MAML2: variants seen among roughly 807,000 people sequenced by gnomAD.
The protein encoded by MAML2 is mastermind like transcriptional coactivator 2, also known as mastermind-like protein 2.
In MAML2, 22 loss-of-function variants were observed where a neutral mutation model predicts 96.1. That is an observed-to-expected ratio of 0.23 (90% CI 0.16 to 0.33). The LOEUF (loss-of-function observed/expected upper bound fraction) is 0.33. Ranked by LOEUF, MAML2 falls within the 10% of genes least tolerant of loss-of-function variation. The pLI is 1.00. For synonymous variants in MAML2, 561 were observed against 521.3 expected (o/e 1.08, Z -1.04); for missense variants, 1,367 against 1,392.4 (o/e 0.98, Z 0.29).
chr11:96,195,970 G>A (rs1214942991), intron 1 of MAML2, among the ~76,000 whole-genome samples: 1 of 152,122 alleles, frequency 6.6e-6, no homozygotes, highest in South Asian at 2.1e-4. Context: ...TTATAGAATT[G>A]AAACACTGTT....
At chr11:95,987,018 G>A (rs570006206) in intron 3 of MAML2, among the ~76,000 whole-genome samples, 7 of 152,342 alleles carry the variant, frequency 4.6e-5, no homozygotes, top group African/African-American at 1.7e-4. Context: ...GTCACAGGGT[G>A]TCTCAGTAGG....
At chr11:96,196,087 A>G (rs1861726385) in intron 1 of MAML2, among the ~76,000 whole-genome samples, 1 of 152,244 alleles carries the variant, frequency 6.6e-6, no homozygotes, top group Non-Finnish European at 1.5e-5. Context: ...GAAACTGAAC[A>G]TTTAAAAAAG....
At chr11:95,987,412 T>A (rs1010653177) in intron 3 of MAML2, among the ~76,000 whole-genome samples, 2 of 152,176 alleles carry the variant, frequency 1.3e-5, no homozygotes, top group Non-Finnish European at 2.9e-5. Flanking sequence ...TTGGTATGGA[T>A]CAGGGAGTTT....
chr11:96,189,710 G>A (rs918435511), intron 1 of MAML2, among the ~76,000 whole-genome samples: 1 of 152,132 alleles, frequency 6.6e-6, no homozygotes, highest in Non-Finnish European at 1.5e-5. Flanking sequence ...ATTTTGTTTT[G>A]GTTGTTTAGA....
At chr11:96,167,817 A>T (rs1861217610) in intron 1 of MAML2, among the ~76,000 whole-genome samples, 1 of 152,232 alleles carries the variant, frequency 6.6e-6, no homozygotes, top group South Asian at 2.1e-4. Context: ...TCCTGTTCTC[A>T]CTGAGCCATA....
intron 2 of MAML2, among the ~76,000 whole-genome samples, chr11:96,028,055 T>C (rs1858552323): frequency 6.6e-6 from 1 of 152,168 alleles, no homozygotes; most frequent in African/African-American, 2.4e-5. Flanking sequence ...GTGAAGGGAC[T>C]CATAAGTAAA....
chr11:96,048,876 A>G (rs367886754), intron 2 of MAML2, among the ~76,000 whole-genome samples: 5 of 152,346 alleles, frequency 3.3e-5, no homozygotes, highest in Admixed American at 6.5e-5. Flanking sequence ...CTTTCGTTGC[A>G]CAGATCTATG....
chr11:96,121,780 A>ATTTTTTTTTTTTTTGTTTTT (rs1860346805), intron 1 of MAML2, among the ~76,000 whole-genome samples: 1 of 35,238 alleles, frequency 2.8e-5, no homozygotes, highest in Non-Finnish European at 4.9e-5. Flanking sequence ...CAACTGCGTG[A>ATTTTTTTTTTTTTTGTTTTT]TTTTTTTTTT....
At chr11:96,164,538 T>G (rs1163191189) in intron 1 of MAML2, among the ~76,000 whole-genome samples, 1 of 152,196 alleles carries the variant, frequency 6.6e-6, no homozygotes, top group Non-Finnish European at 1.5e-5. Context: ...TATAAGAAAT[T>G]CCCAAGAAAG....
chr11:96,045,100 G>A (rs1396195659), intron 2 of MAML2, among the ~76,000 whole-genome samples: 3 of 152,014 alleles, frequency 2.0e-5, no homozygotes, highest in East Asian at 3.9e-4. Context: ...GGAGATGGGG[G>A]TGGTGGTGGT....
chr11:96,083,096 G>A (rs1482766914), intron 2 of MAML2, among the ~76,000 whole-genome samples: 1 of 152,210 alleles, frequency 6.6e-6, no homozygotes, highest in Non-Finnish European at 1.5e-5. Context: ...TGGGGTGCAA[G>A]GGAGAAAATG....
intron 2 of MAML2, among the ~76,000 whole-genome samples, chr11:96,085,824 T>G (rs1241247726): frequency 1.3e-5 from 2 of 152,210 alleles, no homozygotes; most frequent in Non-Finnish European, 2.9e-5. Flanking sequence ...CTTCTTGTTA[T>G]TGTGTTCATT....
chr11:96,151,064 A>T (rs1201646634), intron 1 of MAML2, among the ~76,000 whole-genome samples: 2 of 152,216 alleles, frequency 1.3e-5, no homozygotes, highest in African/African-American at 4.8e-5. Flanking sequence ...ATCTCCCATC[A>T]TTGCTGAAAC....
At chr11:96,331,213 T>C (rs1158942863) in intron 1 of MAML2, among the ~76,000 whole-genome samples, 2 of 152,142 alleles carry the variant, frequency 1.3e-5, no homozygotes, top group South Asian at 2.1e-4. Flanking sequence ...GAGGTTGCAG[T>C]AAGCAGAGAT....
intron 2 of MAML2, among the ~76,000 whole-genome samples, chr11:96,004,709 A>T (rs1297919150): frequency 6.6e-6 from 1 of 152,188 alleles, no homozygotes; most frequent in East Asian, 1.9e-4. Context: ...ACAATTTTGT[A>T]TATTTTGACT....
chr11:96,187,709 G>A (rs2155004), intron 1 of MAML2, among the ~76,000 whole-genome samples: 38,933 of 151,084 alleles, frequency 0.26, 5,268 homozygotes, highest in African/African-American at 0.33. Context: ...CAGGAGAATC[G>A]CTTGAACCAG....
rs1565186360 is a variant in MAML2 at position 96,002,698 on chromosome 11, GATGGGGATGATA to G, written c.2140-10987_2140-10976del. Among the ~76,000 whole-genome samples, 88 of 102,420 alleles carry G rather than the reference GATGGGGATGATA, an allele frequency of 8.6e-4. 5 individuals carry two copies. In the South Asian group the frequency reaches 0.037, roughly 43 times the overall value. 67.2% of individuals were successfully genotyped at this position (102,420 alleles called of 152,430 possible). On this transcript the variant is annotated intron_variant, in intron 2 of 4. Coordinates refer to ENST00000524717, the MANE Select transcript of MAML2 (RefSeq NM_032427.4). ...TAATGATGGGGATGGTGGGGAGCAT[GATGGGGATGATA>G]AGGAGGACGATGGGGGATGATAAGA...
chr11:96,136,315 A>G (rs1860631312), intron 1 of MAML2, among the ~76,000 whole-genome samples: 2 of 151,004 alleles, frequency 1.3e-5, no homozygotes, highest in Non-Finnish European at 2.9e-5. Flanking sequence ...TTATATGTAT[A>G]TATGTAATAC....
chr11:95,989,753 C>T (rs894275728), intron 3 of MAML2, among the ~76,000 whole-genome samples: 1 of 152,134 alleles, frequency 6.6e-6, no homozygotes, highest in African/African-American at 2.4e-5. Flanking sequence ...CTCCCTTAAA[C>T]CTTATGGCAG....
Sources: gnomAD v4.1 joint callset for allele counts (sites outside exome capture counted in the v4.1 genomes callset) on GRCh38, gnomAD v4.1.1 for gene constraint, MANE v1.5 for transcripts, NCBI Gene and HGNC (gene_info 2026-07-23, HGNC 2026-07-21) for gene names.